SLIT3: variants seen among roughly 807,000 people sequenced by gnomAD.
SLIT3 encodes slit homolog 3 protein.
Under a neutral mutation model 184.0 loss-of-function variants are expected in SLIT3, and 68 were observed. The observed-to-expected ratio is 0.37, with a 90% CI of 0.30 to 0.45. The LOEUF (loss-of-function observed/expected upper bound fraction) is 0.45. SLIT3 is among the 20% of genes least tolerant of loss of function. SLIT3 has a pLI of 1.00. For synonymous variants in SLIT3, 831 were observed against 828.6 expected (o/e 1.00, Z -0.05); for missense variants, 1,707 against 2,026.0 (o/e 0.84, Z 3.02).
chr5:168,838,667 G>A (rs773087502), intron 6 of SLIT3, among the ~76,000 whole-genome samples: 1 of 152,068 alleles, frequency 6.6e-6, no homozygotes, highest in Non-Finnish European at 1.5e-5. Flanking sequence ...CACCAACCCC[G>A]CTCTAGGAGA....
intron 3 of SLIT3, among the ~76,000 whole-genome samples, chr5:169,197,908 C>T (rs1339901742): frequency 1.3e-5 from 2 of 152,130 alleles, no homozygotes; most frequent in Admixed American, 1.3e-4. Flanking sequence ...CTTTGTGGAA[C>T]CACTAAAGGC....
At chr5:169,176,100 A>G (rs11950412) in intron 4 of SLIT3, among the ~76,000 whole-genome samples, 6,228 of 152,254 alleles carry the variant, frequency 0.041, 183 homozygotes, top group South Asian at 0.095. Context: ...TCCACCACCA[A>G]GCCCACAGTG....
chr5:168,819,565 C>T (rs2113661834), intron 7 of SLIT3, among the ~76,000 whole-genome samples: 1 of 152,284 alleles, frequency 6.6e-6, no homozygotes, highest in African/African-American at 2.4e-5. Context: ...CTCTATGAGC[C>T]AAGGAGCATG....
intron 4 of SLIT3, among the ~76,000 whole-genome samples, chr5:168,914,805 T>C (rs553086929): frequency 6.6e-6 from 1 of 152,168 alleles, no homozygotes; most frequent in Non-Finnish European, 1.5e-5. Flanking sequence ...ATCCTGTGTC[T>C]GGGTGGGGAG....
intron 3 of SLIT3, among the ~76,000 whole-genome samples, chr5:169,218,936 G>A (rs1764534368): frequency 1.3e-5 from 2 of 152,216 alleles, no homozygotes; most frequent in South Asian, 4.1e-4. Flanking sequence ...ATTTATCACT[G>A]AAATGTTGGG....
intron 4 of SLIT3, among the ~76,000 whole-genome samples, chr5:168,895,172 T>C (rs1760618839): frequency 5.9e-5 from 9 of 152,202 alleles, no homozygotes; most frequent in Admixed American, 5.9e-4. Context: ...AATGTTCAGC[T>C]TGATCATGAA....
intron 7 of SLIT3, among the ~76,000 whole-genome samples, chr5:168,818,371 T>C (rs994312380): frequency 6.6e-6 from 1 of 152,202 alleles, no homozygotes; most frequent in Non-Finnish European, 1.5e-5. Flanking sequence ...GTTAAGTGAC[T>C]TGAACTTCCT....
intron 30 of SLIT3, among the ~76,000 whole-genome samples, chr5:168,686,344 A>C (rs1253342185): frequency 1.3e-5 from 2 of 152,216 alleles, no homozygotes. Flanking sequence ...CTACCCATGG[A>C]AAGATGAATG....
intron 6 of SLIT3, among the ~76,000 whole-genome samples, chr5:168,837,074 G>T (rs1758075409): frequency 6.6e-6 from 1 of 152,196 alleles, no homozygotes; most frequent in Admixed American, 6.5e-5. Context: ...TGACTAAGAA[G>T]GAGGTGTGTG....
chr5:168,975,503 A>G (rs1754722239), intron 4 of SLIT3, among the ~76,000 whole-genome samples: 1 of 152,002 alleles, frequency 6.6e-6, no homozygotes, highest in South Asian at 2.1e-4. Flanking sequence ...ACACAGAGAC[A>G]TCTGCACAGA....
At chr5:169,271,262 C>T (rs531235176) in intron 1 of SLIT3, among the ~76,000 whole-genome samples, 3 of 152,284 alleles carry the variant, frequency 2.0e-5, no homozygotes, top group South Asian at 2.1e-4. Context: ...AGGCTAACTT[C>T]GAATAAGCTA....
intron 4 of SLIT3, among the ~76,000 whole-genome samples, chr5:169,027,703 A>T (rs186384366): frequency 1.8e-4 from 27 of 152,290 alleles, no homozygotes; most frequent in African/African-American, 6.0e-4. Flanking sequence ...CAGGCGAGGG[A>T]CGTCACTTGG....
intron 4 of SLIT3, among the ~76,000 whole-genome samples, chr5:169,042,995 C>A (rs1490685997): frequency 6.6e-6 from 1 of 152,098 alleles, no homozygotes; most frequent in African/African-American, 2.4e-5. Context: ...GAAATACATC[C>A]ATTATTTATA....
chr5:169,079,498 GGGAGGAGGAGGAA>G (rs1758880993), intron 4 of SLIT3, among the ~76,000 whole-genome samples: 1 of 129,818 alleles, frequency 7.7e-6, no homozygotes, highest in Non-Finnish European at 1.7e-5. Flanking sequence ...GAGGGGGGGA[GGGAGGAGGAGGAA>G]GGAGGAGAGG....
intron 4 of SLIT3, among the ~76,000 whole-genome samples, chr5:168,962,116 CTCTGGGCAGCT>C (rs1295289577): frequency 6.6e-5 from 10 of 152,204 alleles, no homozygotes; most frequent in South Asian, 2.1e-4. Context: ...CCACCAGCAT[CTCTGGGCAGCT>C]TCTGTACCCA....
intron 3 of SLIT3, among the ~76,000 whole-genome samples, chr5:169,207,300 C>T (rs1383590879): frequency 6.6e-6 from 1 of 151,368 alleles, no homozygotes; most frequent in Non-Finnish European, 1.5e-5. Context: ...GAAGCAGGGA[C>T]CCTCACAAAT....
intron 20 of SLIT3, among the ~76,000 whole-genome samples, chr5:168,734,361 C>T (rs141389941): frequency 6.0e-4 from 92 of 152,272 alleles, no homozygotes; most frequent in African/African-American, 2.1e-3. Context: ...TTCCCTTGAC[C>T]TCTGGTTCCA....
rs957817853 is a variant in SLIT3 at position 168,773,487 on chromosome 5, C to T, written c.1296-543G>A. On this transcript the variant is annotated intron_variant, in intron 13 of 35. Transcript: ENST00000519560. The stretch of plus-strand genomic sequence containing the variant: ...CCGAACACAGTGTTTGGCACGTGGT[C>T]GGCGTCAATATATAGCAGCTGCTCC... Among the ~76,000 whole-genome samples the T allele has an allele frequency of 5.3e-5, 8 of 152,054 alleles. No individual in the cohort carries two copies. The East Asian group carries it at 5.8e-4, about 11-fold the overall frequency.
At chr5:169,193,645 T>C in intron 3 of SLIT3, 95 bp from the exon 4 acceptor site, 6 of 921,106 alleles carry the variant, frequency 6.5e-6, no homozygotes, top group African/African-American at 3.2e-5. Flanking sequence ...AATCAATCAA[T>C]AGGCATTAAG....
Sources: allele counts gnomAD v4.1 joint callset (sites outside exome capture counted in the v4.1 genomes callset), GRCh38; gene constraint gnomAD v4.1.1; transcripts MANE v1.5; gene names NCBI Gene and HGNC (gene_info 2026-07-23, HGNC 2026-07-21).